STARD13: variants seen among roughly 807,000 people sequenced by gnomAD.
STARD13 encodes the protein StAR related lipid transfer domain containing 13.
Under a neutral mutation model 106.4 loss-of-function variants are expected in STARD13, and 62 were observed. The ratio of observed to expected loss-of-function variants is 0.58; its 90% CI spans 0.48 to 0.72. The LOEUF is 0.72. Ranked by LOEUF, STARD13 falls within the 30% of genes least tolerant of loss-of-function variation. The pLI is 0.00. For synonymous variants in STARD13, 565 were observed against 553.0 expected (o/e 1.02, Z -0.31); for missense variants, 1,387 against 1,424.0 (o/e 0.97, Z 0.42).
intron 8 of STARD13, chr13:33,113,437 C>A: frequency 2.2e-6 from 1 of 457,674 alleles, no homozygotes; most frequent in Non-Finnish European, 4.4e-6. Context: ...GCCAGCCAGG[C>A]CATGATGCCA....
chr13:33,547,251 CACTGTTTT>C, the STARD13 span, among the ~76,000 whole-genome samples: 284 of 152,304 alleles, frequency 1.9e-3, no homozygotes, highest in African/African-American at 6.4e-3. Flanking sequence ...GTGTCAACCC[CACTGTTTT>C]AAATATGTTC....
the STARD13 span, among the ~76,000 whole-genome samples, chr13:33,453,188 G>T: frequency 6.6e-6 from 1 of 152,168 alleles, no homozygotes; most frequent in Non-Finnish European, 1.5e-5. Flanking sequence ...TTTATTTAAT[G>T]CTTCATTTTC....
chr13:33,231,607 G>A lies in STARD13; in HGVS notation c.169+53863C>T, dbSNP rs112399881. On this transcript the variant is annotated intron_variant, in intron 1 of 13. Coordinates refer to ENST00000336934, the MANE Select transcript of STARD13 (RefSeq NM_178006.4). ...AACATAATAAAAACTTGTGGCATGC[G>A]TTCACATTTACCATCTCACTTTGGA... Among the ~76,000 whole-genome samples the A allele has an allele frequency of 7.2e-3, 1,089 of 152,120 alleles. 16 individuals carry two copies. The highest frequency in any genetic ancestry group is 0.025 in the African/African-American group (1,034 of 41,496).
At chr13:33,340,246 C>G (rs376468524) in intron 1 of STARD13, among the ~76,000 whole-genome samples, 21 of 152,282 alleles carry the variant, frequency 1.4e-4, no homozygotes, top group African/African-American at 4.8e-4. Flanking sequence ...CACTGTCACC[C>G]AAGTTGGAGT....
chr13:33,125,990 T>C, intron 7 of STARD13, 91 bp downstream of exon 7: 1 of 1,427,748 alleles, frequency 7.0e-7, no homozygotes, highest in Non-Finnish European at 9.7e-7. Context: ...TCTTGCCTGA[T>C]ATTGGGCAGA....
At chr13:33,462,271 A>T in the STARD13 span, among the ~76,000 whole-genome samples, 1 of 152,138 alleles carries the variant, frequency 6.6e-6, no homozygotes, top group Non-Finnish European at 1.5e-5. Flanking sequence ...GTTCATCCCG[A>T]CCAAAAACAA....
the STARD13 span, among the ~76,000 whole-genome samples, chr13:33,430,816 C>T: frequency 5.9e-5 from 9 of 151,894 alleles, no homozygotes; most frequent in South Asian, 2.1e-4. Flanking sequence ...AAGCCAAGCA[C>T]GGAAAGAAAA....
At chr13:33,350,527 C>T in exon 1 of STARD13, 8 of 1,442,298 alleles carry the variant, frequency 5.5e-6, no homozygotes, top group Non-Finnish European at 7.3e-6. Flanking sequence ...GCCGGGGTCC[C>T]GGGACCCAAT....
intron 1 of STARD13, among the ~76,000 whole-genome samples, chr13:33,250,565 T>C (rs1420848666): frequency 6.6e-6 from 1 of 152,226 alleles, no homozygotes; most frequent in Non-Finnish European, 1.5e-5. Flanking sequence ...TTAAAGGCAT[T>C]ATTTCATATT....
At chr13:33,318,917 T>C (rs1214138081) in intron 1 of STARD13, among the ~76,000 whole-genome samples, 1 of 152,116 alleles carries the variant, frequency 6.6e-6, no homozygotes, top group African/African-American at 2.4e-5. Context: ...AAGTGTTGAT[T>C]AGGAGTAGAG....
At chr13:33,574,413 A>G in the STARD13 span, among the ~76,000 whole-genome samples, 33 of 152,254 alleles carry the variant, frequency 2.2e-4, no homozygotes, top group Non-Finnish European at 3.7e-4. Flanking sequence ...TTCAAATTAG[A>G]TTGACTAAAA....
At chr13:33,184,070 G>C (rs539712659) in intron 1 of STARD13, among the ~76,000 whole-genome samples, 8 of 152,300 alleles carry the variant, frequency 5.3e-5, no homozygotes, top group African/African-American at 1.9e-4. Context: ...TGCCTATAAA[G>C]CCTTTCTCTC....
intron 1 of STARD13, among the ~76,000 whole-genome samples, chr13:33,253,473 C>A (rs1890187766): frequency 6.6e-6 from 1 of 152,216 alleles, no homozygotes; most frequent in African/African-American, 2.4e-5. Context: ...CCACACAGAA[C>A]TTAAGTTGAG....
At chr13:33,425,048 A>G in the STARD13 span, among the ~76,000 whole-genome samples, 1 of 152,256 alleles carries the variant, frequency 6.6e-6, no homozygotes, top group Non-Finnish European at 1.5e-5. Context: ...GATGCTAAGA[A>G]TAGATACTTG....
intron 1 of STARD13, among the ~76,000 whole-genome samples, chr13:33,338,736 T>C (rs2077924162): frequency 1.3e-5 from 2 of 151,790 alleles, no homozygotes; most frequent in Admixed American, 6.6e-5. Context: ...TACAAAAAAT[T>C]AGCCAGGCGT....
intron 1 of STARD13, among the ~76,000 whole-genome samples, chr13:33,312,619 T>C (rs181346131): frequency 2.8e-4 from 42 of 152,350 alleles, no homozygotes; most frequent in Non-Finnish European, 4.9e-4. Flanking sequence ...GAATACTTTC[T>C]AATATATATT....
chr13:33,505,697 A>C, the STARD13 span, among the ~76,000 whole-genome samples: 1 of 152,280 alleles, frequency 6.6e-6, no homozygotes, highest in South Asian at 2.1e-4. Context: ...TTCGAAGTCT[A>C]GTTTGACATA....
At chr13:33,208,648 C>T (rs9527207) in intron 1 of STARD13, among the ~76,000 whole-genome samples, 23,695 of 151,952 alleles carry the variant, frequency 0.16, 2,447 homozygotes, top group Admixed American at 0.3. Context: ...TAAAGGGAAG[C>T]GTAGGCAGAT....
rs770988512 is a variant in STARD13 at position 33,126,061 on chromosome 13, C to T, written c.2082+20G>A. 54 of 1,609,330 alleles carry T rather than the reference C, an allele frequency of 3.4e-5. No homozygotes were observed. Among genetic ancestry groups the T allele is most frequent in the East Asian group, 1.1e-4 (5 of 44,806 alleles). The stretch of plus-strand genomic sequence containing the variant: ...ATGGTTGGGGGTGGTGGGGCAGCAG[C>T]GGGGGGGTTACAGCCCTACCTGATC... On this transcript the variant is annotated intron_variant, in intron 7 of 13. Transcript: ENST00000336934.
Sources: allele counts gnomAD v4.1 joint callset (sites outside exome capture counted in the v4.1 genomes callset), GRCh38; gene constraint gnomAD v4.1.1; transcripts MANE v1.5; gene names NCBI Gene and HGNC (gene_info 2026-07-23, HGNC 2026-07-21).